The following RALGAPA2 variants were observed in gnomAD, a reference collection of about 807,000 sequenced individuals.
RALGAPA2 encodes ral GTPase-activating protein subunit alpha-2.
In RALGAPA2, 139 loss-of-function variants were observed where a neutral mutation model predicts 230.4. The ratio of observed to expected loss-of-function variants is 0.60; its 90% CI spans 0.53 to 0.69. The LOEUF (loss-of-function observed/expected upper bound fraction) is 0.69, where lower values mean the gene tolerates loss of function less well. RALGAPA2 is among the 30% of genes least tolerant of loss of function. The pLI, the probability that RALGAPA2 is intolerant of heterozygous loss-of-function variation, is 0.00. For missense variants in RALGAPA2, 2,163 were observed against 2,276.0 expected (o/e 0.95, Z 1.01); for synonymous variants, 847 against 837.8 (o/e 1.01, Z -0.19).
intron 14 of RALGAPA2, among the ~76,000 whole-genome samples, chr20:20,608,756 A>G (rs1394284516): frequency 5.9e-5 from 9 of 152,214 alleles, no homozygotes; most frequent in Non-Finnish European, 8.8e-5. Flanking sequence ...CATCTCACGT[A>G]AGAACGTGGG....
At chr20:20,434,868 C>T (rs1602357647) in intron 37 of RALGAPA2, among the ~76,000 whole-genome samples, 1 of 152,082 alleles carries the variant, frequency 6.6e-6, no homozygotes, top group Non-Finnish European at 1.5e-5. Flanking sequence ...CCTGGGAGGT[C>T]AAGGCTGCAG....
At chr20:20,585,375 T>C (rs2065104527) in intron 18 of RALGAPA2, among the ~76,000 whole-genome samples, 2 of 152,134 alleles carry the variant, frequency 1.3e-5, no homozygotes, top group Non-Finnish European at 2.9e-5. Flanking sequence ...TAAAGGTCCA[T>C]TCAGTGTCTT....
At chr20:20,396,522 G>A (rs543787563) in intron 39 of RALGAPA2, among the ~76,000 whole-genome samples, 173 bp downstream of exon 39, 1 of 152,252 alleles carries the variant, frequency 6.6e-6, no homozygotes, top group Non-Finnish European at 1.5e-5. Context: ...GCTTCCCCGG[G>A]CAGCGCAGAC....
intron 3 of RALGAPA2, among the ~76,000 whole-genome samples, chr20:20,671,162 T>C (rs1272315799): frequency 1.3e-5 from 2 of 152,174 alleles, no homozygotes; most frequent in Admixed American, 6.5e-5. Context: ...GCACATCACT[T>C]ACTTTATCAG....
At position 20,437,526 on chromosome 20, in the gene RALGAPA2, C is replaced by T. The variant is rs1231757511; in HGVS notation, c.5496-25378G>A. On this transcript the variant is annotated intron_variant, in intron 37 of 39. Coordinates refer to ENST00000202677, the MANE Select transcript of RALGAPA2 (RefSeq NM_020343.4). This position sits in a 1 kb window ranked among gnomAD's most constrained non-coding sequence, Gnocchi z 4.1. ...AAGTCCTTACTGTGGCTGGCAAGGC[C>T]CTGCCCCACTGGGTGCCTGCCCCTG... Among the ~76,000 whole-genome samples, 1 of 152,210 alleles carries T rather than the reference C, an allele frequency of 6.6e-6. No homozygotes were observed. The highest frequency in any genetic ancestry group is 1.5e-5 in the Non-Finnish European group (1 of 68,034).
Position 20,642,436 on chromosome 20 carries a change from C to T in RALGAPA2, c.372+1070G>A, listed in dbSNP as rs576189321. Reference sequence around the variant, plus strand: ...ATGTTGGCCAGGCTGGTCTCGAACTCCTGACCTCAGGCAATTTGCCTGCCT... The same window carrying T: ...ATGTTGGCCAGGCTGGTCTCGAACTTCTGACCTCAGGCAATTTGCCTGCCT... On this transcript the variant is annotated intron_variant, in intron 5 of 39. Coordinates refer to ENST00000202677, the MANE Select transcript of RALGAPA2 (RefSeq NM_020343.4). 2.0e-5 allele frequency among the ~76,000 whole-genome samples: 3 copies of T among 152,206 alleles called. No homozygotes were observed. The South Asian group carries it at 6.2e-4, about 32-fold the overall frequency.
intron 37 of RALGAPA2, among the ~76,000 whole-genome samples, chr20:20,465,982 A>G (rs569114852): frequency 2.3e-4 from 35 of 152,366 alleles, no homozygotes; most frequent in African/African-American, 7.0e-4. Context: ...ATTGCAGGTA[A>G]CGTTTGCTGG....
At chr20:20,512,223 C>CACACA in intron 32 of RALGAPA2, among the ~76,000 whole-genome samples, 1 of 135,650 alleles carries the variant, frequency 7.4e-6, no homozygotes, top group South Asian at 2.3e-4. Context: ...ACAACCCCCC[C>CACACA]TACACACACA....
chr20:20,645,403 C>T (rs1258654776), intron 4 of RALGAPA2, among the ~76,000 whole-genome samples: 1 of 151,870 alleles, frequency 6.6e-6, no homozygotes, highest in African/African-American at 2.4e-5. Context: ...TGTGAACCAC[C>T]GTGCCCGGCC....
At chr20:20,515,067 T>C (rs2062826728) in intron 31 of RALGAPA2, among the ~76,000 whole-genome samples, 1 of 152,208 alleles carries the variant, frequency 6.6e-6, no homozygotes, top group Admixed American at 6.5e-5. Flanking sequence ...TTTTGCCCCC[T>C]GCCCACCCAG....
intron 13 of RALGAPA2, among the ~76,000 whole-genome samples, chr20:20,614,941 G>C (rs1294102407): frequency 6.6e-6 from 1 of 152,146 alleles, no homozygotes; most frequent in Non-Finnish European, 1.5e-5. Context: ...AGATCACCTA[G>C]GGGGATGCTG....
chr20:20,398,319 A>G lies in RALGAPA2; in HGVS notation c.5618-1585T>C, dbSNP rs2059761678. Among the ~76,000 whole-genome samples, 1 of 152,200 alleles carries G rather than the reference A, an allele frequency of 6.6e-6. No homozygotes were observed. The highest frequency in any genetic ancestry group is 1.5e-5 in the Non-Finnish European group (1 of 68,034). ...CAAGAAAGCAGATGGCGCAGCTAAC[A>G]ATGGAGGACTTGTTTGTAATTGCTG... On this transcript the variant is annotated intron_variant, in intron 38 of 39. Coordinates refer to ENST00000202677, the MANE Select transcript of RALGAPA2 (RefSeq NM_020343.4). The surrounding 1 kb of genome is among the most constrained non-coding windows in gnomAD (Gnocchi z 4.5).
chr20:20,675,091 C>G (rs2068271940), intron 3 of RALGAPA2, among the ~76,000 whole-genome samples: 1 of 152,250 alleles, frequency 6.6e-6, no homozygotes, highest in East Asian at 1.9e-4. Flanking sequence ...TTAAGTAACA[C>G]ACTTAATTAA....
intron 18 of RALGAPA2, among the ~76,000 whole-genome samples, chr20:20,585,746 C>A (rs1048622603): frequency 6.6e-6 from 1 of 151,970 alleles, no homozygotes; most frequent in Non-Finnish European, 1.5e-5. Context: ...GCTGGTTATA[C>A]CAGGCCATGC....
At chr20:20,583,316 C>A in intron 19 of RALGAPA2, 90 bp from the exon 20 acceptor site, 1 of 1,310,818 alleles carries the variant, frequency 7.6e-7, no homozygotes, top group Non-Finnish European at 1.0e-6. Context: ...ACTAAACAAA[C>A]AGCAGACACA....
chr20:20,527,711 T>G (rs1402912362), intron 27 of RALGAPA2, among the ~76,000 whole-genome samples: 1 of 152,148 alleles, frequency 6.6e-6, no homozygotes, highest in Non-Finnish European at 1.5e-5. Flanking sequence ...GCTGACCTTT[T>G]TGTTTGTTAT....
At chr20:20,490,005 C>T (rs998593422) in intron 36 of RALGAPA2, among the ~76,000 whole-genome samples, 6 of 152,202 alleles carry the variant, frequency 3.9e-5, no homozygotes, top group South Asian at 4.1e-4. Flanking sequence ...GGGGAAACAA[C>T]GTCAACTTCT....
chr20:20,511,134 T>C (rs2062692973), intron 33 of RALGAPA2, 120 bp downstream of exon 33: 7 of 1,459,198 alleles, frequency 4.8e-6, no homozygotes, highest in Non-Finnish European at 6.4e-6. Flanking sequence ...CACCAGATGC[T>C]AGGTTACAGA....
intron 13 of RALGAPA2, among the ~76,000 whole-genome samples, chr20:20,612,953 CG>C (rs1294003013): frequency 3.3e-5 from 5 of 152,282 alleles, no homozygotes; most frequent in Non-Finnish European, 7.3e-5. Context: ...CAACAGACAT[CG>C]TAAGTTTCAA....
Sources: gnomAD v4.1 joint callset for allele counts (sites outside exome capture counted in the v4.1 genomes callset) on GRCh38, gnomAD v4.1.1 for gene constraint, Gnocchi (gnomAD v3.1) non-coding constraint, MANE v1.5 for transcripts, NCBI Gene and HGNC (gene_info 2026-07-23, HGNC 2026-07-21) for gene names.